SPMIP3: variants seen among roughly 807,000 people sequenced by gnomAD.
The protein encoded by SPMIP3 is protein SPMIP3.
the SPMIP3 span, among the ~76,000 whole-genome samples, chr1:244,380,123 C>CTTTT: frequency 1.7e-4 from 20 of 115,530 alleles, no homozygotes; most frequent in East Asian, 5.1e-4. Flanking sequence ...CAGAGTTTTT[C>CTTTT]TTTTTTTTTT....
chr1:244,372,482 C>A, the SPMIP3 span, among the ~76,000 whole-genome samples: 2 of 149,822 alleles, frequency 1.3e-5, no homozygotes, highest in Admixed American at 6.7e-5. Context: ...CTCACTCTGT[C>A]CCCCAGGCTG....
the SPMIP3 span, among the ~76,000 whole-genome samples, chr1:244,361,790 T>C: frequency 6.6e-6 from 1 of 152,206 alleles, no homozygotes; most frequent in African/African-American, 2.4e-5. Flanking sequence ...TCAGAATTTC[T>C]AGGCACTGAG....
At chr1:244,385,826 T>C in the SPMIP3 span, among the ~76,000 whole-genome samples, 2 of 152,100 alleles carry the variant, frequency 1.3e-5, no homozygotes, top group Non-Finnish European at 2.9e-5. Flanking sequence ...CTAAAATCGG[T>C]GCACAAGGTA....
the SPMIP3 span, chr1:244,378,692 C>T: frequency 1.3e-6 from 2 of 1,543,332 alleles, no homozygotes; most frequent in Non-Finnish European, 1.8e-6. Flanking sequence ...GCCTGGGCCA[C>T]AGATTAGCAT....
chr1:244,379,550 T>C, the SPMIP3 span, among the ~76,000 whole-genome samples: 1 of 152,348 alleles, frequency 6.6e-6, no homozygotes, highest in African/African-American at 2.4e-5. Flanking sequence ...AAATCATTAT[T>C]GTGCCTAAAC....
At chr1:244,385,595 C>G in the SPMIP3 span, among the ~76,000 whole-genome samples, 2 of 152,202 alleles carry the variant, frequency 1.3e-5, no homozygotes, top group East Asian at 3.9e-4. Flanking sequence ...GGCTCTCTGA[C>G]CCTCAATATT....
the SPMIP3 span, among the ~76,000 whole-genome samples, chr1:244,368,254 T>A: frequency 5.9e-5 from 9 of 152,098 alleles, no homozygotes; most frequent in African/African-American, 1.4e-4. Context: ...CCACTGCACC[T>A]GGCCTACTTT....
the SPMIP3 span, among the ~76,000 whole-genome samples, chr1:244,354,322 C>A: frequency 2.7e-5 from 4 of 150,536 alleles, no homozygotes; most frequent in Non-Finnish European, 3.0e-5. Flanking sequence ...ACTGGTTTCA[C>A]TTGGCATTGT....
chr1:244,378,466 G>C, the SPMIP3 span: 4 of 1,605,948 alleles, frequency 2.5e-6, no homozygotes, highest in South Asian at 4.5e-5. Context: ...TTTCCATTTA[G>C]ACCGCTCATA....
chr1:244,370,657 T>G, the SPMIP3 span, among the ~76,000 whole-genome samples: 1 of 152,208 alleles, frequency 6.6e-6, no homozygotes. Flanking sequence ...TATTTTTTAG[T>G]GTACAATGTC....
At chr1:244,375,648 G>T in the SPMIP3 span, 2 of 481,756 alleles carry the variant, frequency 4.2e-6, no homozygotes, top group South Asian at 6.0e-5. Context: ...TTTAATGAGT[G>T]GTGAGATTAT....
At chr1:244,371,876 T>G in the SPMIP3 span, among the ~76,000 whole-genome samples, 1 of 152,222 alleles carries the variant, frequency 6.6e-6, no homozygotes, top group South Asian at 2.1e-4. Flanking sequence ...AGTTCCTCTC[T>G]CTTCTTATGA....
At chr1:244,373,581 T>C in the SPMIP3 span, among the ~76,000 whole-genome samples, 101 of 151,340 alleles carry the variant, frequency 6.7e-4, no homozygotes, top group Middle Eastern at 3.4e-3. Context: ...TCAGACACAA[T>C]ACCCCCTTTT....
chr1:244,363,948 G>A, the SPMIP3 span, among the ~76,000 whole-genome samples: 1 of 151,622 alleles, frequency 6.6e-6, no homozygotes, highest in African/African-American at 2.4e-5. Flanking sequence ...GGCACTCTGG[G>A]AAATGTCGTG....
the SPMIP3 span, among the ~76,000 whole-genome samples, chr1:244,387,512 T>TA: frequency 0.64 from 96,101 of 151,290 alleles, 31,375 homozygotes; most frequent in African/African-American, 0.79. Flanking sequence ...AGAGTGGGTG[T>TA]AGACATGTGA....
the SPMIP3 span, among the ~76,000 whole-genome samples, chr1:244,358,938 T>G: frequency 6.6e-6 from 1 of 152,126 alleles, no homozygotes; most frequent in South Asian, 2.1e-4. Flanking sequence ...GTTATGTTGT[T>G]CCTGGTGCTG....
the SPMIP3 span, among the ~76,000 whole-genome samples, chr1:244,372,666 A>G: frequency 1.3e-5 from 2 of 152,056 alleles, no homozygotes; most frequent in Admixed American, 1.3e-4. Context: ...GATGGTCTCG[A>G]ACTCCTGACC....
At chr1:244,354,500 T>C in the SPMIP3 span, among the ~76,000 whole-genome samples, 60,428 of 151,444 alleles carry the variant, frequency 0.4, 12,609 homozygotes, top group Middle Eastern at 0.5. Context: ...AGACTACAGG[T>C]GTGCACCACC....
chr1:244,385,161 G>A, the SPMIP3 span, among the ~76,000 whole-genome samples: 6 of 152,160 alleles, frequency 3.9e-5, no homozygotes, highest in African/African-American at 1.2e-4. Context: ...CCAAAGTGCT[G>A]GGATTACAGG....
Sources: allele counts gnomAD v4.1 joint callset (sites outside exome capture counted in the v4.1 genomes callset), GRCh38; gene constraint gnomAD v4.1.1; transcripts MANE v1.5; gene names NCBI Gene and HGNC (gene_info 2026-07-23, HGNC 2026-07-21).